Variants in DCDC1 observed in about 807,000 individuals in gnomAD.
DCDC1 encodes doublecortin domain-containing protein 1.
A neutral mutation model predicts 178.3 loss-of-function variants in DCDC1; 200 were observed. That is an observed-to-expected ratio of 1.12 (90% confidence interval 1.00 to 1.26). DCDC1 has a LOEUF of 1.26. Ranked by LOEUF, DCDC1 falls within the 50% of genes most tolerant of loss-of-function variation. The pLI, the probability that DCDC1 is intolerant of heterozygous loss-of-function variation, is 0.00. For synonymous variants in DCDC1, 690 were observed against 604.8 expected (o/e 1.14, Z -2.07); for missense variants, 1,983 against 1,749.2 (o/e 1.13, Z -2.38).
At chr11:30,935,377 A>G (rs886416331) in intron 21 of DCDC1, among the ~76,000 whole-genome samples, 1 of 152,192 alleles carries the variant, frequency 6.6e-6, no homozygotes, top group African/African-American at 2.4e-5. Context: ...AAAACCTGGC[A>G]GGCATCAAAT....
chr11:31,006,820 T>C (rs1266513205), intron 20 of DCDC1, among the ~76,000 whole-genome samples: 3 of 152,204 alleles, frequency 2.0e-5, no homozygotes, highest in African/African-American at 7.2e-5. Flanking sequence ...TAAAGAGCTC[T>C]CTGAGATTAT....
intron 20 of DCDC1, among the ~76,000 whole-genome samples, chr11:30,964,401 G>A (rs897923776): frequency 6.6e-6 from 1 of 152,040 alleles, no homozygotes; most frequent in African/African-American, 2.4e-5. Context: ...CACTGTCATG[G>A]CTCTTTGGAA....
In DCDC1 at chr11:31,202,450, G is replaced by A. The variant is rs371721923; in HGVS notation, c.1221+39000C>T. On this transcript the variant is annotated intron_variant, in intron 9 of 38. Transcript: ENST00000684477. ...GTTGACTGTGGTGGCATTTGCTTGT[G>A]GTCCCTGTTACTCAGGAGGCTGAGG... Among the ~76,000 whole-genome samples, 8 of 152,014 alleles carry A rather than the reference G, an allele frequency of 5.3e-5. No homozygotes were observed. In the South Asian group the frequency reaches 1.7e-3, roughly 32 times the overall value.
rs1167632344 is a variant in DCDC1, at chr11:31,195,630, T to C, written c.1221+45820A>G. On this transcript the variant is annotated intron_variant, in intron 9 of 38. Transcript: ENST00000684477. ...TGACCTAAATTAGGATCCCTTGGTTTTTCTTTCATACTATCCAATCAATTC... is the reference window on the plus strand; with the variant it reads ...TGACCTAAATTAGGATCCCTTGGTTCTTCTTTCATACTATCCAATCAATTC... Among the ~76,000 whole-genome samples, 5 of 152,166 alleles carry C rather than the reference T, an allele frequency of 3.3e-5. No homozygotes were observed. In the South Asian group the frequency reaches 1.0e-3, roughly 32 times the overall value.
At chr11:31,173,955 G>C (rs1344607041) in intron 9 of DCDC1, among the ~76,000 whole-genome samples, 1 of 152,176 alleles carries the variant, frequency 6.6e-6, no homozygotes, top group Non-Finnish European at 1.5e-5. Flanking sequence ...CAGTGGGGGA[G>C]GTTTGGCTGG....
At chr11:31,325,828 T>C (rs1949614812) in intron 3 of DCDC1, among the ~76,000 whole-genome samples, 1 of 151,952 alleles carries the variant, frequency 6.6e-6, no homozygotes, top group Admixed American at 6.6e-5. Context: ...TTACTTCTCA[T>C]AAAAAGACCA....
intron 7 of DCDC1, among the ~76,000 whole-genome samples, chr11:31,270,953 A>C (rs1353517749): frequency 1.3e-5 from 2 of 152,128 alleles, no homozygotes; most frequent in Non-Finnish European, 1.5e-5. Context: ...ACATATCAAC[A>C]TTACTATCAT....
At chr11:31,228,374 G>A (rs113474986) in intron 9 of DCDC1, among the ~76,000 whole-genome samples, 16 of 152,130 alleles carry the variant, frequency 1.1e-4, no homozygotes, top group African/African-American at 3.9e-4. Context: ...AAAGAAAAAT[G>A]AAAACAGCGT....
intron 30 of DCDC1, among the ~76,000 whole-genome samples, chr11:30,906,105 T>C (rs1388986440): frequency 6.6e-6 from 1 of 152,152 alleles, no homozygotes; most frequent in African/African-American, 2.4e-5. Flanking sequence ...CTATTAGACA[T>C]AGACGTGTGA....
Position 30,920,842 on chromosome 11 carries a change from G to A in DCDC1, c.3227C>T (p.Thr1076Ile), listed in dbSNP as rs1364175999. The A allele has an allele frequency of 6.8e-6, 11 of 1,613,544 alleles. No individual in the cohort carries two copies. Among genetic ancestry groups the A allele is most frequent in the Admixed American group, 1.7e-5 (1 of 59,944 alleles). Residue 1076 changes from threonine (T) to isoleucine (I), a missense_variant, in exon 25 of 39, where the codon ACA becomes ATA. Transcript: ENST00000684477. ...VAIFGEEKQV[T>I]EPEEKQMQED... ...TTGCATTTGCTTTTCTTCCGGTTCT[G>A]TAACTTGCTTCTCTTCTCCAAAAAT... is the stretch of plus-strand genomic sequence containing the variant.
intron 3 of DCDC1, among the ~76,000 whole-genome samples, chr11:31,315,478 A>G (rs1224714406): frequency 2.0e-5 from 3 of 151,172 alleles, no homozygotes; most frequent in African/African-American, 7.3e-5. Context: ...CTGAGACTAC[A>G]GGTGCACGCT....
chr11:30,950,205 GA>G (rs1948332912), intron 21 of DCDC1, among the ~76,000 whole-genome samples: 2 of 152,022 alleles, frequency 1.3e-5, no homozygotes, highest in South Asian at 4.1e-4. Context: ...AGAATAAGAA[GA>G]AAGAGAAACC....
intron 20 of DCDC1, among the ~76,000 whole-genome samples, chr11:31,003,840 G>C (rs1167922051): frequency 6.6e-6 from 1 of 152,202 alleles, no homozygotes; most frequent in African/African-American, 2.4e-5. Context: ...TGTAGGAAAT[G>C]TGTTAAGACT....
intron 20 of DCDC1, among the ~76,000 whole-genome samples, chr11:30,976,986 G>A (rs1022117455): frequency 6.6e-6 from 1 of 152,054 alleles, no homozygotes; most frequent in Admixed American, 6.6e-5. Flanking sequence ...ATATAAAATG[G>A]AATATTATTT....
Position 31,065,154 on chromosome 11 carries a change from C to A in DCDC1, c.2299-1G>T. 1.3e-6 allele frequency: 1 copy of A among 743,538 alleles called. No individual in the cohort carries two copies. The highest frequency in any genetic ancestry group is 1.7e-5 in the African/African-American group (1 of 57,974). 46.1% of individuals were successfully genotyped at this position (743,538 alleles called of 1,614,324 possible). A position where few individuals can be genotyped will look rare whatever the true frequency, so the allele number is the denominator to read the frequency against. The stretch of plus-strand genomic sequence containing the variant: ...AGGTCAGAACAAACTGAGGATAAGC[C>A]TGTAAGAAAGGAAAAAATAACAAGT... On this transcript the variant is annotated splice_acceptor_variant, in intron 18 of 38. Transcript: ENST00000684477. LOFTEE classifies it high-confidence loss of function.
At chr11:31,230,176 G>A (rs1384294432) in intron 9 of DCDC1, among the ~76,000 whole-genome samples, 6 of 151,784 alleles carry the variant, frequency 4.0e-5, no homozygotes, top group African/African-American at 1.5e-4. Context: ...CAAAATTAAC[G>A]CACAAAAATC....
intron 20 of DCDC1, among the ~76,000 whole-genome samples, chr11:30,985,329 C>T (rs963522099): frequency 1.8e-4 from 27 of 152,146 alleles, no homozygotes; most frequent in Middle Eastern, 3.4e-3. Flanking sequence ...AATTAAAATG[C>T]CTGTAAATTT....
intron 36 of DCDC1, among the ~76,000 whole-genome samples, chr11:30,884,094 G>C (rs912179128): frequency 7.0e-6 from 1 of 143,686 alleles, no homozygotes; most frequent in Non-Finnish European, 1.5e-5. Flanking sequence ...GCAGTGGCAT[G>C]ATCAGGGTTT....
chr11:30,915,460 T>G (rs914058792), intron 27 of DCDC1, 51 bp downstream of exon 27: 50 of 1,597,744 alleles, frequency 3.1e-5, no homozygotes, highest in Middle Eastern at 1.7e-4. Flanking sequence ...CTAGACTTAT[T>G]AGGATCCTAT....
Sources: allele counts gnomAD v4.1 joint callset (sites outside exome capture counted in the v4.1 genomes callset), GRCh38; gene constraint gnomAD v4.1.1; transcripts MANE v1.5; gene names NCBI Gene and HGNC (gene_info 2026-07-23, HGNC 2026-07-21).